The following AP3B1 variants were observed in gnomAD, a reference collection of about 807,000 sequenced individuals.
AP3B1 encodes the protein adaptor related protein complex 3 subunit beta 1.
In AP3B1, 61 loss-of-function variants were observed where a neutral mutation model predicts 132.5. The observed-to-expected ratio is 0.46, with a 90% CI of 0.37 to 0.57. The LOEUF is 0.57. AP3B1 is among the 20% of genes least tolerant of loss of function. The pLI, the probability that AP3B1 is intolerant of heterozygous loss-of-function variation, is 0.00. For synonymous variants in AP3B1, 388 were observed against 438.3 expected, an observed-to-expected ratio of 0.89 and a Z score of 1.43; for missense variants, 1,120 against 1,289.4, an observed-to-expected ratio of 0.87 and a Z score of 2.01.
chr5:78,065,504 C>T (rs1269280319), intron 22 of AP3B1, among the ~76,000 whole-genome samples: 8 of 152,104 alleles, frequency 5.3e-5, no homozygotes, highest in Non-Finnish European at 1.2e-4. Flanking sequence ...CGGTTTGGAC[C>T]CCGGAGGAAT....
chr5:78,274,771 A>T (rs59354698), intron 1 of AP3B1, among the ~76,000 whole-genome samples: 249 of 152,266 alleles, frequency 1.6e-3, no homozygotes, highest in African/African-American at 5.9e-3. Context: ...AAATATTTTT[A>T]AAAAATTAGC....
At chr5:78,119,950 G>T (rs1408453423) in intron 17 of AP3B1, among the ~76,000 whole-genome samples, 1 of 152,176 alleles carries the variant, frequency 6.6e-6, no homozygotes, top group Non-Finnish European at 1.5e-5. Context: ...GAAAGGTCGG[G>T]TTACCTACAA....
intron 7 of AP3B1, among the ~76,000 whole-genome samples, chr5:78,209,514 G>A (rs1374264029): frequency 6.6e-6 from 1 of 152,114 alleles, no homozygotes; most frequent in Admixed American, 6.5e-5. Flanking sequence ...CCGTCTTCAA[G>A]TTGTCCTGCC....
Position 78,030,909 on chromosome 5 carries a change from G to C in AP3B1, c.2894+3452C>G, listed in dbSNP as rs373980731. ...ACCCAGGCTGGTCTTGAAACTCCTG[G>C]GCTCAAACAATTCTCCCGCTTTGGC... On this transcript the variant is annotated intron_variant, in intron 24 of 26. Coordinates refer to ENST00000255194, the MANE Select transcript of AP3B1 (RefSeq NM_003664.5). Among the ~76,000 whole-genome samples the C allele has an allele frequency of 3.3e-5, 5 of 152,002 alleles. No homozygotes were observed. In the East Asian group the frequency reaches 7.7e-4, roughly 23 times the overall value.
chr5:78,134,940 A>G (rs1010610681), intron 15 of AP3B1, among the ~76,000 whole-genome samples: 9 of 152,212 alleles, frequency 5.9e-5, no homozygotes, highest in African/African-American at 2.2e-4. Flanking sequence ...TCAACTTGAA[A>G]AGTTTTCTGT....
chr5:78,022,568 T>G (rs1348490506), intron 24 of AP3B1, among the ~76,000 whole-genome samples: 1 of 152,324 alleles, frequency 6.6e-6, no homozygotes, highest in East Asian at 1.9e-4. Flanking sequence ...TTTCACTCTC[T>G]AAAGTGTCCT....
At chr5:78,097,928 G>C (rs564175123) in intron 21 of AP3B1, among the ~76,000 whole-genome samples, 2,063 of 152,304 alleles carry the variant, frequency 0.014, 55 homozygotes, top group African/African-American at 0.047. Flanking sequence ...ATTTTGTTCT[G>C]TACTAAGAAA....
At chr5:78,093,172 CAT>C (rs1242591411) in intron 21 of AP3B1, among the ~76,000 whole-genome samples, 1 of 152,022 alleles carries the variant, frequency 6.6e-6, no homozygotes, top group East Asian at 1.9e-4. Flanking sequence ...AAAGGACAAC[CAT>C]ACAGTTATAA....
At chr5:78,064,555 T>G (rs184104868) in intron 22 of AP3B1, among the ~76,000 whole-genome samples, 1 of 152,314 alleles carries the variant, frequency 6.6e-6, no homozygotes, top group Admixed American at 6.5e-5. Context: ...TCCCATGTCA[T>G]GTCTGATAGC....
chr5:78,010,996 T>C (rs1041654353), intron 26 of AP3B1, among the ~76,000 whole-genome samples: 1 of 152,040 alleles, frequency 6.6e-6, no homozygotes, highest in African/African-American at 2.4e-5. Flanking sequence ...TAACTGTAAT[T>C]TGGAAAACAG....
At chr5:78,058,394 G>A (rs537493437) in intron 22 of AP3B1, among the ~76,000 whole-genome samples, 13 of 152,150 alleles carry the variant, frequency 8.5e-5, no homozygotes, top group African/African-American at 1.2e-4. Flanking sequence ...CAGCTACTCC[G>A]GAGGCTGAGG....
At chr5:78,080,622 A>AT (rs1749955390) in intron 22 of AP3B1, among the ~76,000 whole-genome samples, 1 of 116,306 alleles carries the variant, frequency 8.6e-6, no homozygotes, top group East Asian at 2.5e-4. Context: ...GTATGCCTCC[A>AT]ATTTTTTTTT....
chr5:78,068,073 C>T (rs927369471), intron 22 of AP3B1, among the ~76,000 whole-genome samples: 1 of 152,000 alleles, frequency 6.6e-6, no homozygotes. Flanking sequence ...ACCTGTAATC[C>T]CAGCACTTTG....
chr5:78,076,625 G>A (rs1206990700), intron 22 of AP3B1, among the ~76,000 whole-genome samples: 1 of 152,190 alleles, frequency 6.6e-6, no homozygotes, highest in African/African-American at 2.4e-5. Flanking sequence ...GAGGGTTGGG[G>A]CGTTGAGCTA....
At chr5:78,163,791 C>T (rs930537982) in intron 12 of AP3B1, among the ~76,000 whole-genome samples, 1 of 151,426 alleles carries the variant, frequency 6.6e-6, no homozygotes, top group African/African-American at 2.4e-5. Context: ...TAGAACCTTC[C>T]TAATTTTTAA....
chr5:78,052,566 T>C (rs547856633), intron 22 of AP3B1, among the ~76,000 whole-genome samples: 1 of 152,352 alleles, frequency 6.6e-6, no homozygotes, highest in South Asian at 2.1e-4. Flanking sequence ...CTGTGGCTGC[T>C]GTTGCATTAA....
intron 16 of AP3B1, among the ~76,000 whole-genome samples, chr5:78,128,845 A>C (rs1347420157): frequency 6.6e-6 from 1 of 152,098 alleles, no homozygotes; most frequent in African/African-American, 2.4e-5. Flanking sequence ...ATTTATAAGA[A>C]TAAGACAGTT....
chr5:78,110,755 T>C (rs1035689387), intron 19 of AP3B1, among the ~76,000 whole-genome samples: 2 of 150,986 alleles, frequency 1.3e-5, no homozygotes, highest in Non-Finnish European at 3.0e-5. Flanking sequence ...CGTATATACA[T>C]ATATATTCAT....
intron 21 of AP3B1, among the ~76,000 whole-genome samples, chr5:78,095,133 C>T (rs1303167260): frequency 1.3e-5 from 2 of 152,180 alleles, no homozygotes; most frequent in South Asian, 2.1e-4. Context: ...TTTCCCATTA[C>T]ACTTTGAGAG....
Sources: gnomAD v4.1 joint callset for allele counts (sites outside exome capture counted in the v4.1 genomes callset) on GRCh38, gnomAD v4.1.1 for gene constraint, MANE v1.5 for transcripts, NCBI Gene and HGNC (gene_info 2026-07-23, HGNC 2026-07-21) for gene names.